Variants in WDR59 observed in about 807,000 individuals in gnomAD.
The protein encoded by WDR59 is GATOR2 complex protein WDR59.
Under a neutral mutation model 131.2 loss-of-function variants are expected in WDR59, and 100 were observed. The observed-to-expected ratio is 0.76, with a 90% confidence interval of 0.65 to 0.90. WDR59 has a LOEUF of 0.90. Among genes scored for constraint, WDR59 ranks in the 40% least tolerant of loss-of-function variants. The pLI is 0.00. For synonymous variants in WDR59, 601 were observed against 466.2 expected (o/e 1.29, Z -3.72); for missense variants, 1,203 against 1,262.2 (o/e 0.95, Z 0.71).
chr16:74,919,558 G>C (rs1285947164), intron 10 of WDR59, among the ~76,000 whole-genome samples: 1 of 151,664 alleles, frequency 6.6e-6, no homozygotes, highest in Admixed American at 6.6e-5. Flanking sequence ...GGCCAGGCTG[G>C]TCTCAAACTC....
intron 1 of WDR59, among the ~76,000 whole-genome samples, chr16:74,981,660 A>ATTTTTTTTTT (rs1181233727): frequency 1.7e-4 from 14 of 80,876 alleles, no homozygotes; most frequent in African/African-American, 7.3e-4. Flanking sequence ...ATATATATAT[A>ATTTTTTTTTT]TTTTTTTTTT....
chr16:74,883,406 C>T (rs138762527), intron 25 of WDR59, among the ~76,000 whole-genome samples: 2,323 of 152,202 alleles, frequency 0.015, 41 homozygotes, highest in African/African-American at 0.05. Context: ...TTTGTACTTC[C>T]GACAACAGTT....
chr16:74,950,794 G>A (rs1344504783), intron 4 of WDR59, among the ~76,000 whole-genome samples: 1 of 152,086 alleles, frequency 6.6e-6, no homozygotes, highest in Non-Finnish European at 1.5e-5. Context: ...ACATCCACAT[G>A]TCCTCCCAGG....
chr16:74,885,038 G>C (rs538604253), intron 25 of WDR59, among the ~76,000 whole-genome samples: 45 of 152,344 alleles, frequency 3.0e-4, no homozygotes, highest in African/African-American at 1.1e-3. Flanking sequence ...CTCCATGGGG[G>C]GAAGGAATGT....
At chr16:74,925,127 T>A (rs2030648161) in intron 8 of WDR59, among the ~76,000 whole-genome samples, 1 of 152,212 alleles carries the variant, frequency 6.6e-6, no homozygotes, top group Non-Finnish European at 1.5e-5. Flanking sequence ...AATGGTGGCA[T>A]ATACATAAGT....
intron 24 of WDR59, 58 bp from the exon 25 acceptor site, chr16:74,885,853 C>G: frequency 6.3e-7 from 1 of 1,588,848 alleles, no homozygotes; most frequent in Non-Finnish European, 8.6e-7. Context: ...AAGCTTCATC[C>G]TAAATGGCAC....
chr16:74,904,281 C>T (rs1397360501), intron 17 of WDR59, 181 bp from the exon 18 acceptor site: 1 of 649,150 alleles, frequency 1.5e-6, no homozygotes, highest in Non-Finnish European at 2.5e-6. Flanking sequence ...GCATAGAATG[C>T]TTCTATGATT....
chr16:74,930,372 C>T (rs1426736967), intron 8 of WDR59, among the ~76,000 whole-genome samples: 3 of 151,908 alleles, frequency 2.0e-5, no homozygotes, highest in African/African-American at 7.2e-5. Flanking sequence ...AACAGTAAAA[C>T]GAAAAACAGA....
chr16:74,934,701 A>C (rs2031660946), intron 8 of WDR59, among the ~76,000 whole-genome samples: 2 of 152,340 alleles, frequency 1.3e-5, no homozygotes, highest in African/African-American at 4.8e-5. Context: ...TAATCCCAAC[A>C]CTTTGGGAGG....
intron 13 of WDR59, chr16:74,915,636 A>G (rs7187972): frequency 1 from 387,010 of 388,064 alleles, 192,993 homozygotes; most frequent in Middle Eastern, 1. Flanking sequence ...GGCTGGTCTC[A>G]AACTCCTGGC....
intron 22 of WDR59, among the ~76,000 whole-genome samples, 184 bp downstream of exon 22, chr16:74,887,985 G>T (rs1170839047): frequency 6.6e-6 from 1 of 152,066 alleles, no homozygotes; most frequent in African/African-American, 2.4e-5. Flanking sequence ...AAGAGTGGTG[G>T]TGCATGCCTG....
At chr16:74,970,828 G>C (rs1260209314) in intron 1 of WDR59, among the ~76,000 whole-genome samples, 1 of 151,876 alleles carries the variant, frequency 6.6e-6, no homozygotes, top group African/African-American at 2.4e-5. Flanking sequence ...AACGCAGGAG[G>C]ATTGCTTGGA....
chr16:74,960,639 G>A (rs951904907), intron 2 of WDR59, among the ~76,000 whole-genome samples: 1 of 151,684 alleles, frequency 6.6e-6, no homozygotes, highest in African/African-American at 2.4e-5. Flanking sequence ...CAGCTACCTG[G>A]GAGGCTGAGG....
intron 20 of WDR59, among the ~76,000 whole-genome samples, chr16:74,891,484 GT>G (rs1308328591): frequency 6.6e-6 from 1 of 152,192 alleles, no homozygotes; most frequent in Non-Finnish European, 1.5e-5. Context: ...GAGATAAGAT[GT>G]TTACTACCCT....
chr16:74,906,313 C>CAAAAAAAAAAAAAAAA lies in WDR59; in HGVS notation c.1713-2214_1713-2213insTTTTTTTTTTTTTTTT, dbSNP rs762288713. ...TGAGCGACAGAGCAAGACTCCGTCT[C>CAAAAAAAAAAAAAAAA]AAAAAAAAAAAAACCCACAGTGAGA... On this transcript the variant is annotated intron_variant, in intron 17 of 25. Transcript: ENST00000262144. Among the ~76,000 whole-genome samples, 170 of 32,452 alleles carry CAAAAAAAAAAAAAAAA rather than the reference C, an allele frequency of 5.2e-3. 25 individuals carry two copies. The highest frequency in any genetic ancestry group is 9.0e-3 in the Admixed American group (15 of 1,666). The allele number at this position is 32,452 out of a possible 152,430, so 21.3% of individuals were successfully genotyped here.
intron 1 of WDR59, among the ~76,000 whole-genome samples, chr16:74,983,652 C>T (rs1164742743): frequency 2.6e-5 from 4 of 151,924 alleles, no homozygotes; most frequent in African/African-American, 9.7e-5. Flanking sequence ...GCTGTGTGTG[C>T]CACACATCCT....
rs1964104483 is a variant in WDR59 at position 74,874,414 on chromosome 16, C to T, written c.2720G>A (p.Ser907Asn). The T allele has an allele frequency of 1.4e-5, 22 of 1,613,960 alleles. No individual in the cohort carries two copies. The highest frequency in any genetic ancestry group is 1.8e-5 in the Non-Finnish European group (21 of 1,180,044). ...GGCACACTGCGTGCCACGGACCTCA[C>T]TCCGGCAGTGGCTGCAGTACACGCC... ...EFGVYCSHCRSEVRGTQCAIC... is the reference protein window; with the variant it reads ...EFGVYCSHCRNEVRGTQCAIC... The change falls in exon 26 of 26, where the codon AGT becomes AAT. Residue 907 changes from serine to asparagine, a missense_variant. Coordinates refer to ENST00000262144, the MANE Select transcript of WDR59 (RefSeq NM_030581.4).
intron 1 of WDR59, among the ~76,000 whole-genome samples, chr16:74,974,911 G>A (rs148996799): frequency 1.1e-4 from 17 of 152,302 alleles, no homozygotes; most frequent in African/African-American, 3.8e-4. Context: ...CTGACCTCAT[G>A]CCATTTGCCT....
intron 18 of WDR59, among the ~76,000 whole-genome samples, chr16:74,894,456 C>T (rs1358402072): frequency 6.6e-6 from 1 of 152,120 alleles, no homozygotes; most frequent in African/African-American, 2.4e-5. Flanking sequence ...CCAGGCTTAC[C>T]TATGGGTGGC....
Sources: gnomAD v4.1 joint callset for allele counts (sites outside exome capture counted in the v4.1 genomes callset) on GRCh38, gnomAD v4.1.1 for gene constraint, MANE v1.5 for transcripts, NCBI Gene and HGNC (gene_info 2026-07-23, HGNC 2026-07-21) for gene names.